The following TAOK3 variants were observed in gnomAD, a reference collection of about 807,000 sequenced individuals.
TAOK3 encodes serine/threonine-protein kinase TAO3.
TAOK3 carries 40 observed loss-of-function variants against 120.4 expected under a neutral mutation model. The ratio of observed to expected loss-of-function variants is 0.33; its 90% CI spans 0.26 to 0.43. TAOK3 has a LOEUF of 0.43. Among genes scored for constraint, TAOK3 ranks in the 20% least tolerant of loss-of-function variants. The pLI is 1.00. For missense variants in TAOK3, 821 were observed against 1,112.1 expected (o/e 0.74, Z 3.72); for synonymous variants, 355 against 387.5 (o/e 0.92, Z 0.99).
chr12:118,328,500 C>A (rs958200879), intron 1 of TAOK3, among the ~76,000 whole-genome samples: 1 of 152,114 alleles, frequency 6.6e-6, no homozygotes, highest in African/African-American at 2.4e-5. Context: ...TAATTTAATC[C>A]TCTACCCCAA....
At chr12:118,193,692 A>G (rs2037555416) in intron 13 of TAOK3, among the ~76,000 whole-genome samples, 1 of 151,978 alleles carries the variant, frequency 6.6e-6, no homozygotes, top group Non-Finnish European at 1.5e-5. Flanking sequence ...CAAGCGATCC[A>G]CCCACCCCGG....
At chr12:118,241,881 T>A (rs538668636) in intron 5 of TAOK3, among the ~76,000 whole-genome samples, 1 of 151,662 alleles carries the variant, frequency 6.6e-6, no homozygotes, top group African/African-American at 2.4e-5. Flanking sequence ...GAGGCCGAGG[T>A]GGGCGGATCA....
intron 9 of TAOK3, among the ~76,000 whole-genome samples, chr12:118,230,015 C>T (rs527470810): frequency 6.6e-6 from 1 of 152,254 alleles, no homozygotes; most frequent in East Asian, 1.9e-4. Flanking sequence ...AATTAATCTT[C>T]ATAACAACCC....
chr12:118,190,013 C>A, intron 13 of TAOK3, 72 bp from the exon 14 acceptor site: 1 of 1,584,616 alleles, frequency 6.3e-7, no homozygotes, highest in Non-Finnish European at 8.6e-7. Flanking sequence ...CTCTCTCACC[C>A]CTCTTTCTGC....
intron 1 of TAOK3, among the ~76,000 whole-genome samples, chr12:118,334,591 G>A (rs530227953): frequency 1.8e-4 from 28 of 151,928 alleles, no homozygotes; most frequent in Admixed American, 3.3e-4. Flanking sequence ...AATTTGTTTC[G>A]GAGGCCGGGT....
intron 1 of TAOK3, among the ~76,000 whole-genome samples, chr12:118,360,873 C>G (rs981092954): frequency 1.3e-5 from 2 of 152,136 alleles, no homozygotes; most frequent in Admixed American, 1.3e-4. Flanking sequence ...TTTCCAGAAA[C>G]TGTCACACAA....
intron 1 of TAOK3, among the ~76,000 whole-genome samples, chr12:118,280,504 T>C (rs1566057513): frequency 6.6e-6 from 1 of 152,236 alleles, no homozygotes; most frequent in African/African-American, 2.4e-5. Context: ...CAGATGGTTG[T>C]AGGTGTGCGG....
intron 17 of TAOK3, among the ~76,000 whole-genome samples, chr12:118,164,008 G>A (rs1442232897): frequency 6.6e-6 from 1 of 151,580 alleles, no homozygotes; most frequent in Non-Finnish European, 1.5e-5. Context: ...CACCGTGCCC[G>A]ACCTAGCAGT....
At chr12:118,320,427 T>TA (rs959853108) in intron 1 of TAOK3, among the ~76,000 whole-genome samples, 51 of 146,362 alleles carry the variant, frequency 3.5e-4, no homozygotes, top group Middle Eastern at 3.5e-3. Flanking sequence ...CATCATTTCT[T>TA]AAAAAAAAAA....
chr12:118,170,630 G>T (rs564723880), intron 17 of TAOK3, among the ~76,000 whole-genome samples: 1 of 152,146 alleles, frequency 6.6e-6, no homozygotes, highest in African/African-American at 2.4e-5. Flanking sequence ...GGGCGTGGTG[G>T]TGTGTGCCCG....
chr12:118,277,900 T>C (rs2140380362), intron 1 of TAOK3, among the ~76,000 whole-genome samples: 1 of 152,306 alleles, frequency 6.6e-6, no homozygotes, highest in African/African-American at 2.4e-5. Context: ...GAATATAATC[T>C]TGTCTTACCC....
chr12:118,341,039 G>A lies in TAOK3; in HGVS notation c.-194+31609C>T, dbSNP rs562325082. Among the ~76,000 whole-genome samples the A allele has an allele frequency of 5.4e-5, 8 of 149,434 alleles. No homozygotes were observed. In the South Asian group the frequency reaches 1.7e-3, roughly 32 times the overall value. ...AGAGTCTCACTCTGTTGCCCAGGCT[G>A]GAGTGCAGTGGCGCCATCTCAGCTG... On this transcript the variant is annotated intron_variant, in intron 1 of 20. Coordinates refer to ENST00000392533, the MANE Select transcript of TAOK3 (RefSeq NM_016281.4).
chr12:118,157,800 T>C (rs1237886021), intron 19 of TAOK3, among the ~76,000 whole-genome samples: 1 of 152,214 alleles, frequency 6.6e-6, no homozygotes, highest in Non-Finnish European at 1.5e-5. Context: ...GATGGATGAA[T>C]AGATGAATGC....
chr12:118,362,096 CTATT>C (rs2045616237), intron 1 of TAOK3, among the ~76,000 whole-genome samples: 1 of 152,064 alleles, frequency 6.6e-6, no homozygotes, highest in Non-Finnish European at 1.5e-5. Flanking sequence ...TCAAATTTCT[CTATT>C]TAGTCAGTCA....
At chr12:118,176,082 T>C (rs964491967) in intron 16 of TAOK3, among the ~76,000 whole-genome samples, 1 of 152,202 alleles carries the variant, frequency 6.6e-6, no homozygotes, top group Non-Finnish European at 1.5e-5. Flanking sequence ...GAGACATCTG[T>C]CTTGGCTGAG....
chr12:118,258,391 C>T (rs2041082177), intron 2 of TAOK3, among the ~76,000 whole-genome samples: 1 of 152,100 alleles, frequency 6.6e-6, no homozygotes, highest in Non-Finnish European at 1.5e-5. Flanking sequence ...AGCTATTTGT[C>T]AATCAGGTAA....
At chr12:118,257,382 T>C (rs1008035756) in intron 2 of TAOK3, among the ~76,000 whole-genome samples, 1 of 152,208 alleles carries the variant, frequency 6.6e-6, no homozygotes, top group Non-Finnish European at 1.5e-5. Flanking sequence ...CATTTTGACA[T>C]GCTCATATAT....
intron 9 of TAOK3, among the ~76,000 whole-genome samples, chr12:118,233,194 T>C (rs1208995945): frequency 7.4e-6 from 1 of 134,384 alleles, no homozygotes; most frequent in South Asian, 2.3e-4. Context: ...TAGGTGGGAA[T>C]TGAACAATGA....
intron 1 of TAOK3, among the ~76,000 whole-genome samples, chr12:118,281,771 A>G (rs545788293): frequency 6.6e-6 from 1 of 152,026 alleles, no homozygotes; most frequent in East Asian, 1.9e-4. Context: ...AAAAAAGAAA[A>G]AAATTAAAAA....
Sources: allele counts gnomAD v4.1 joint callset (sites outside exome capture counted in the v4.1 genomes callset), GRCh38; gene constraint gnomAD v4.1.1; transcripts MANE v1.5; gene names NCBI Gene and HGNC (gene_info 2026-07-23, HGNC 2026-07-21).